Variants in LYST observed in about 807,000 individuals in gnomAD.
LYST encodes the protein lysosomal-trafficking regulator.
In LYST, 192 loss-of-function variants were observed where a neutral mutation model predicts 413.6. That is an observed-to-expected ratio of 0.46 (90% confidence interval 0.41 to 0.52). The LOEUF is 0.52. LYST is among the 20% of genes least tolerant of loss of function. The probability of loss-of-function intolerance (pLI) is 0.00; values close to 1 mark genes in which losing one functional copy is unlikely to be tolerated. For missense variants in LYST, 3,815 were observed against 4,499.9 expected, an observed-to-expected ratio of 0.85 and a Z score of 4.35; for synonymous variants, 1,525 against 1,567.3, an observed-to-expected ratio of 0.97 and a Z score of 0.64.
chr1:235,731,552 T>C (rs1454127051), intron 34 of LYST, among the ~76,000 whole-genome samples: 1 of 149,406 alleles, frequency 6.7e-6, no homozygotes, highest in Non-Finnish European at 1.5e-5. Context: ...ATTTCCCATT[T>C]TGCATTTTTT....
chr1:235,855,043 A>G (rs2103121291), intron 1 of LYST, among the ~76,000 whole-genome samples: 1 of 152,328 alleles, frequency 6.6e-6, no homozygotes, highest in South Asian at 2.1e-4. Context: ...CAATTCCTTC[A>G]AAGGGTATAC....
intron 42 of LYST, among the ~76,000 whole-genome samples, chr1:235,713,820 A>G (rs968647685): frequency 2.0e-5 from 3 of 152,242 alleles, no homozygotes; most frequent in Non-Finnish European, 4.4e-5. Flanking sequence ...TAATGAGATG[A>G]AAGTGAATGG....
chr1:235,699,331 A>G (rs928635056), intron 45 of LYST, among the ~76,000 whole-genome samples: 3 of 152,110 alleles, frequency 2.0e-5, no homozygotes, highest in African/African-American at 7.2e-5. Context: ...AGTGAGAACA[A>G]GCGGTGTCTG....
chr1:235,880,905 C>G (rs1377932184), intron 1 of LYST, among the ~76,000 whole-genome samples: 1 of 152,110 alleles, frequency 6.6e-6, no homozygotes, highest in Non-Finnish European at 1.5e-5. Flanking sequence ...GTGGGTGGAT[C>G]GCCAGAGGTC....
chr1:235,809,528 C>T lies in LYST; in HGVS notation c.1290G>A (p.Met430Ile), dbSNP rs779163460. The T allele has an allele frequency of 2.8e-5, 45 of 1,613,928 alleles. No homozygotes were observed. The Admixed American group carries it at 7.5e-4, about 27-fold the overall frequency. Residue 430 changes from methionine (M) to isoleucine (I), a missense_variant, in exon 5 of 53, where the codon ATG (methionine) becomes ATA (isoleucine). Met to Ile is a conservative substitution (Grantham distance 10, BLOSUM62 1). Around this residue, in one of 4 missense-constraint regions of LYST, gnomAD observed 1,648 missense variants for 1,810.3 expected, o/e 0.91. Coordinates refer to ENST00000389793, the MANE Select transcript of LYST (RefSeq NM_000081.4). This position sits in a 1 kb window ranked among gnomAD's most constrained non-coding sequence, Gnocchi z 4.0. ...GCTGAATGAATTCTTGAACCAAATC[C>T]ATGGCTTGACTGAAGTAGAAGGGAT... is the stretch of plus-strand genomic sequence containing the variant. ...ASNPFYFSQA[M>I]DLVQEFIQHH...
At chr1:235,838,582 T>A (rs1676830756) in intron 1 of LYST, among the ~76,000 whole-genome samples, 2 of 152,212 alleles carry the variant, frequency 1.3e-5, no homozygotes, top group African/African-American at 4.8e-5. Flanking sequence ...TTTACAAAAA[T>A]CTATGGAAGC....
At chr1:235,851,680 A>G (rs1461868347) in intron 1 of LYST, among the ~76,000 whole-genome samples, 1 of 152,020 alleles carries the variant, frequency 6.6e-6, no homozygotes, top group Non-Finnish European at 1.5e-5. Context: ...AAAAACCTTT[A>G]TAATCTATTT....
chr1:235,720,532 T>C, intron 40 of LYST, 129 bp downstream of exon 40: 5 of 871,530 alleles, frequency 5.7e-6, no homozygotes, highest in Non-Finnish European at 9.1e-6. Context: ...ACCAGGGTGA[T>C]AGGTATGTGG....
intron 3 of LYST, chr1:235,827,299 G>C (rs1409918229): frequency 1.2e-5 from 4 of 321,166 alleles, no homozygotes; most frequent in Non-Finnish European, 1.8e-5. Flanking sequence ...AACCCTGGAG[G>C]CTGAGGTTAC....
intron 25 of LYST, 58 bp downstream of exon 25, chr1:235,755,420 A>AAAGAAAAGAG: frequency 7.0e-7 from 1 of 1,424,374 alleles, no homozygotes; most frequent in South Asian, 1.2e-5. Context: ...AAAGAAAAGA[A>AAAGAAAAGAG]AAGAAAAGAA....
chr1:235,706,272 C>A (rs1661981412), intron 44 of LYST, among the ~76,000 whole-genome samples: 1 of 152,162 alleles, frequency 6.6e-6, no homozygotes, highest in African/African-American at 2.4e-5. Context: ...TGGCTTTCCC[C>A]TGAAGCAGAT....
At chr1:235,859,160 T>C (rs188554628) in intron 1 of LYST, among the ~76,000 whole-genome samples, 5 of 152,342 alleles carry the variant, frequency 3.3e-5, no homozygotes, top group Admixed American at 3.3e-4. Flanking sequence ...CCTTTTCGTT[T>C]TTAAACAGGA....
chr1:235,681,208 T>A (rs1659788469), intron 48 of LYST, among the ~76,000 whole-genome samples: 1 of 152,118 alleles, frequency 6.6e-6, no homozygotes, highest in South Asian at 2.1e-4. Flanking sequence ...CAGAATTTAC[T>A]CAAAGAAAAA....
chr1:235,836,658 A>G (rs1676612274), intron 1 of LYST, among the ~76,000 whole-genome samples: 1 of 152,210 alleles, frequency 6.6e-6, no homozygotes, highest in African/African-American at 2.4e-5. Flanking sequence ...AACTAAAGTA[A>G]GCATGGAAAG....
chr1:235,867,629 T>G (rs1409017914), upstream of LYST, among the ~76,000 whole-genome samples: 2 of 152,124 alleles, frequency 1.3e-5, no homozygotes, highest in Non-Finnish European at 2.9e-5. Context: ...GGGTGGGAGC[T>G]GTAGGTAAAA....
chr1:235,834,265 C>T (rs1456162079), intron 1 of LYST, among the ~76,000 whole-genome samples: 1 of 152,128 alleles, frequency 6.6e-6, no homozygotes, highest in Non-Finnish European at 1.5e-5. Context: ...GGATATTTCT[C>T]TTTAGTTACC....
intron 4 of LYST, among the ~76,000 whole-genome samples, chr1:235,811,611 A>C (rs1673456885): frequency 6.6e-6 from 1 of 152,190 alleles, no homozygotes; most frequent in South Asian, 2.1e-4. Context: ...TAAAAAGATA[A>C]TTAGATCAGT....
chr1:235,828,039 G>C (rs1265772549), intron 3 of LYST: 1 of 492,202 alleles, frequency 2.0e-6, no homozygotes, highest in Non-Finnish European at 2.6e-6. Flanking sequence ...ATCATTAGTT[G>C]TTAGAGGAAT....
At chr1:235,690,724 A>G (rs572686810) in intron 47 of LYST, among the ~76,000 whole-genome samples, 3 of 152,290 alleles carry the variant, frequency 2.0e-5, no homozygotes, top group African/African-American at 7.2e-5. Context: ...GAGCTCAGGG[A>G]ATGGGATACA....
Sources: gnomAD v4.1 joint callset for allele counts (sites outside exome capture counted in the v4.1 genomes callset) on GRCh38, gnomAD v4.1.1 for gene constraint, gnomAD v4.1.1 regional missense constraint, Gnocchi (gnomAD v3.1) non-coding constraint, MANE v1.5 for transcripts, NCBI Gene and HGNC (gene_info 2026-07-23, HGNC 2026-07-21) for gene names.